Variants in PTBP2 observed in about 807,000 individuals in gnomAD.
PTBP2 encodes the protein polypyrimidine tract binding protein 2, also known as polypyrimidine tract-binding protein 2.
A neutral mutation model predicts 61.4 loss-of-function variants in PTBP2; 13 were observed. The ratio of observed to expected loss-of-function variants is 0.21; its 90% CI spans 0.14 to 0.34. The LOEUF (loss-of-function observed/expected upper bound fraction) is 0.34, where lower values mean the gene tolerates loss of function less well. PTBP2 is among the 10% of genes least tolerant of loss of function. PTBP2 has a pLI of 1.00. For missense variants in PTBP2, 405 were observed against 642.6 expected (o/e 0.63, Z 4.00); for synonymous variants, 215 against 218.5 (o/e 0.98, Z 0.14).
chr1:96,739,229 T>C lies in PTBP2; in HGVS notation c.40-12196T>C, dbSNP rs1403629790. 3.9e-5 allele frequency among the ~76,000 whole-genome samples: 6 copies of C among 152,316 alleles called. No homozygotes were observed. The East Asian group carries it at 1.2e-3, about 29-fold the overall frequency. ...ATATTGATAAAGTTATTAATGTTGC[T>C]TAATTGATTAAACCCTGATATTTTC... On this transcript the variant is annotated intron_variant, in intron 2 of 13. Coordinates refer to ENST00000674951, the MANE Select transcript of PTBP2 (RefSeq NM_021190.4).
downstream of PTBP2, chr1:96,818,488 G>A (rs570508915): frequency 6.6e-6 from 1 of 152,054 alleles, no homozygotes; most frequent in South Asian, 2.1e-4. Context: ...GACTAGCCTA[G>A]CTGGTCAATA....
At chr1:96,782,470 AT>A (rs1400751971) in intron 7 of PTBP2, among the ~76,000 whole-genome samples, 1 of 152,044 alleles carries the variant, frequency 6.6e-6, no homozygotes, top group Non-Finnish European at 1.5e-5. Context: ...CATCTGCTTA[AT>A]TTACAATCTG....
intron 8 of PTBP2, among the ~76,000 whole-genome samples, chr1:96,795,398 G>A (rs1660275265): frequency 6.6e-6 from 1 of 152,304 alleles, no homozygotes; most frequent in South Asian, 2.1e-4. Flanking sequence ...GAAGCATGTG[G>A]AGGAGTCCAC....
chr1:96,740,864 C>T (rs1238867330), intron 2 of PTBP2, among the ~76,000 whole-genome samples: 1 of 151,394 alleles, frequency 6.6e-6, no homozygotes, highest in Non-Finnish European at 1.5e-5. Flanking sequence ...TAATATTTGA[C>T]GAGATTGATT....
At chr1:96,779,239 A>G (rs898826193) in intron 7 of PTBP2, among the ~76,000 whole-genome samples, 4 of 152,026 alleles carry the variant, frequency 2.6e-5, no homozygotes, top group African/African-American at 7.2e-5. Context: ...ACCAAAATCA[A>G]TGTGGTATGA....
chr1:96,746,023 G>A lies in PTBP2; in HGVS notation c.40-5402G>A, dbSNP rs377084411. ...GGAGGTTGCAGTGAGCTGAGACCGC[G>A]CCATTACACTCCAGCCTGTGTGACA... is the stretch of plus-strand genomic sequence containing the variant. On this transcript the variant is annotated intron_variant, in intron 2 of 13. Transcript: ENST00000674951. 7.3e-5 allele frequency among the ~76,000 whole-genome samples: 11 copies of A among 150,256 alleles called. No homozygotes were observed. In the East Asian group the frequency reaches 1.8e-3, roughly 24 times the overall value.
chr1:96,759,073 A>C (rs1655490310), intron 3 of PTBP2, among the ~76,000 whole-genome samples: 1 of 151,748 alleles, frequency 6.6e-6, no homozygotes, highest in East Asian at 1.9e-4. Context: ...TCAGGAAAAA[A>C]ATTTGACAAA....
chr1:96,804,156 TG>T (rs1661286780), intron 8 of PTBP2, among the ~76,000 whole-genome samples: 1 of 152,204 alleles, frequency 6.6e-6, no homozygotes, highest in Non-Finnish European at 1.5e-5. Context: ...TGTATAGTGA[TG>T]GTTTCTTGTT....
intron 8 of PTBP2, among the ~76,000 whole-genome samples, chr1:96,802,670 ACTT>A (rs1415927306): frequency 1.3e-5 from 2 of 152,142 alleles, no homozygotes; most frequent in African/African-American, 4.8e-5. Flanking sequence ...TTGGTACTGA[ACTT>A]CTTCTGCATG....
chr1:96,748,459 C>T (rs1193048045), intron 2 of PTBP2, among the ~76,000 whole-genome samples: 1 of 151,862 alleles, frequency 6.6e-6, no homozygotes, highest in Non-Finnish European at 1.5e-5. Context: ...TGGTTTCTTT[C>T]TCTGACGTGT....
At chr1:96,799,792 A>G (rs1351152029) in intron 8 of PTBP2, among the ~76,000 whole-genome samples, 1 of 152,222 alleles carries the variant, frequency 6.6e-6, no homozygotes, top group African/African-American at 2.4e-5. Context: ...TGTATTAATT[A>G]TATAAATAGT....
chr1:96,794,270 ATCT>A (rs1318332563), intron 8 of PTBP2, among the ~76,000 whole-genome samples: 2 of 152,208 alleles, frequency 1.3e-5, no homozygotes, highest in African/African-American at 2.4e-5. Flanking sequence ...GTGTAATGAA[ATCT>A]TCTGCATAAA....
intron 2 of PTBP2, among the ~76,000 whole-genome samples, chr1:96,746,878 C>T (rs138682319): frequency 0.14 from 6,731 of 47,296 alleles, 522 homozygotes; most frequent in East Asian, 0.32. Context: ...TCTGTCCCTC[C>T]CTCCCTCCCT....
intron 7 of PTBP2, among the ~76,000 whole-genome samples, chr1:96,781,447 T>G (rs1658657373): frequency 6.6e-6 from 1 of 152,012 alleles, no homozygotes; most frequent in Non-Finnish European, 1.5e-5. Flanking sequence ...TCTCATGCCT[T>G]TTTAGCTATA....
chr1:96,822,618 C>CA (rs1295022291), exon 14 of PTBP2: 8 of 151,794 alleles, frequency 5.3e-5, no homozygotes, highest in African/African-American at 9.7e-5. Context: ...TTTATAATTC[C>CA]AAAAAATCAT....
intron 5 of PTBP2, 71 bp from the exon 6 acceptor site, chr1:96,777,514 G>GT: frequency 7.5e-7 from 1 of 1,331,386 alleles, no homozygotes. Flanking sequence ...AAGTGAACTA[G>GT]TAGTGTAACA....
At chr1:96,729,412 C>T (rs1191743317) in intron 2 of PTBP2, among the ~76,000 whole-genome samples, 1 of 152,028 alleles carries the variant, frequency 6.6e-6, no homozygotes, top group African/African-American at 2.4e-5. Context: ...TTTTTTGTCT[C>T]CTTTTTTTGT....
chr1:96,770,416 T>TG (rs1280694947), intron 4 of PTBP2, among the ~76,000 whole-genome samples: 1 of 152,052 alleles, frequency 6.6e-6, no homozygotes, highest in Admixed American at 6.5e-5. Flanking sequence ...AAAATTCTGA[T>TG]GCTAGAAAAT....
chr1:96,764,547 A>G (rs1656430686), intron 3 of PTBP2, among the ~76,000 whole-genome samples: 1 of 152,212 alleles, frequency 6.6e-6, no homozygotes, highest in Non-Finnish European at 1.5e-5. Flanking sequence ...ATTGCTAAAC[A>G]TGACATTTTG....
Sources: gnomAD v4.1 joint callset for allele counts (sites outside exome capture counted in the v4.1 genomes callset) on GRCh38, gnomAD v4.1.1 for gene constraint, MANE v1.5 for transcripts, NCBI Gene and HGNC (gene_info 2026-07-23, HGNC 2026-07-21) for gene names.